Variants in ENPP1 observed in about 807,000 individuals in gnomAD.
ENPP1 encodes ectonucleotide pyrophosphatase/phosphodiesterase 1, also known as ectonucleotide pyrophosphatase/phosphodiesterase family member 1.
In ENPP1, 73 loss-of-function variants were observed where a neutral mutation model predicts 122.8. That is an observed-to-expected ratio of 0.59 (90% CI 0.49 to 0.72). The LOEUF (loss-of-function observed/expected upper bound fraction) is 0.72, where lower values mean the gene tolerates loss of function less well. ENPP1 is among the 30% of genes least tolerant of loss of function. The pLI is 0.00. For synonymous variants in ENPP1, 367 were observed against 391.6 expected, an observed-to-expected ratio of 0.94 and a Z score of 0.74; for missense variants, 978 against 1,128.1, an observed-to-expected ratio of 0.87 and a Z score of 1.91.
rs1160365435 is a variant in ENPP1 at position 131,892,545 on chromosome 6, C to G, written c.*2034C>G. 1.3e-5 allele frequency: 2 copies of G among 152,236 alleles called. No individual in the cohort carries two copies. Among genetic ancestry groups the G allele is most frequent in the Non-Finnish European group, 2.9e-5 (2 of 68,066 alleles). 9.4% of individuals were successfully genotyped at this position (152,236 alleles called of 1,614,324 possible). A position where few individuals can be genotyped will look rare whatever the true frequency, so the allele number is the denominator to read the frequency against. ...AGTGACCAGGAAGAGCTTCATTACA[C>G]CAGGTGGGAATGAAATTCCCAGTAG... On this transcript the variant is annotated 3_prime_UTR_variant, in exon 25 of 25. Coordinates refer to ENST00000647893, the MANE Select transcript of ENPP1 (RefSeq NM_006208.3).
rs373514648 is a variant in ENPP1, at chr6:131,880,566, C to CA, written c.2100+544dup. On this transcript the variant is annotated intron_variant, in intron 20 of 24. Transcript: ENST00000647893. Reference sequence around the variant, plus strand: ...TGGGTGACAGAGTGAGACTCCATCTCAAAAAAAAAAAAGAAAGAAAGAAAG... The same window carrying CA: ...TGGGTGACAGAGTGAGACTCCATCTCAAAAAAAAAAAAAGAAAGAAAGAAAG... Among the ~76,000 whole-genome samples the CA allele has an allele frequency of 8.8e-3, 1,152 of 130,922 alleles. 26 individuals are homozygous for CA. Among genetic ancestry groups the CA allele is most frequent in the African/African-American group, 0.029 (1,034 of 35,404 alleles). The allele number at this position is 130,922 out of a possible 152,430, so 85.9% of individuals were successfully genotyped here.
intron 15 of ENPP1, 114 bp downstream of exon 15, chr6:131,873,164 C>T: frequency 8.3e-7 from 1 of 1,208,124 alleles, no homozygotes; most frequent in Non-Finnish European, 1.2e-6. Context: ...GTATGATTCT[C>T]TTCACTCTAA....
intron 12 of ENPP1, among the ~76,000 whole-genome samples, chr6:131,868,376 A>C (rs1195035469): frequency 6.6e-6 from 1 of 152,238 alleles, no homozygotes; most frequent in East Asian, 1.9e-4. Flanking sequence ...TATTTTCAAC[A>C]TTAAATTTGT....
chr6:131,876,739 G>A (rs1782234487), intron 17 of ENPP1, among the ~76,000 whole-genome samples: 1 of 152,132 alleles, frequency 6.6e-6, no homozygotes, highest in African/African-American at 2.4e-5. Flanking sequence ...CATTCAACAG[G>A]TTGTGACTGT....
intron 17 of ENPP1, 135 bp downstream of exon 17, chr6:131,875,998 T>A (rs929735100): frequency 6.4e-5 from 46 of 718,454 alleles, no homozygotes; most frequent in Non-Finnish European, 1.1e-4. Flanking sequence ...TTCCTGACTC[T>A]CAGACTCACT....
intron 1 of ENPP1, among the ~76,000 whole-genome samples, chr6:131,822,349 C>G (rs1167854194): frequency 3.3e-5 from 5 of 152,122 alleles, no homozygotes; most frequent in African/African-American, 1.2e-4. Flanking sequence ...TGAACAATTA[C>G]TTTCTTTCTT....
intron 1 of ENPP1, chr6:131,819,702 A>T (rs114695219): frequency 0.01 from 2,455 of 242,360 alleles, 68 homozygotes; most frequent in African/African-American, 0.054. Flanking sequence ...TTAGACACAC[A>T]CATTTGTCTA....
intron 4 of ENPP1, 170 bp downstream of exon 4, chr6:131,851,437 G>A: frequency 1.4e-6 from 1 of 711,984 alleles, no homozygotes. Context: ...CATACACATG[G>A]GGAGAGAGAG....
chr6:131,866,233 A>G (rs139737071), intron 11 of ENPP1, among the ~76,000 whole-genome samples: 55 of 152,198 alleles, frequency 3.6e-4, no homozygotes, highest in African/African-American at 1.1e-3. Flanking sequence ...GTCATAGACT[A>G]TTAAAAAAAA....
intron 21 of ENPP1, 91 bp downstream of exon 21, chr6:131,882,565 A>G (rs907969146): frequency 1.5e-5 from 7 of 454,746 alleles, no homozygotes; most frequent in African/African-American, 4.3e-5. Flanking sequence ...GGTAATATAT[A>G]TATTACCTAT....
chr6:131,832,132 T>C (rs757498869), intron 1 of ENPP1, among the ~76,000 whole-genome samples: 3 of 152,190 alleles, frequency 2.0e-5, no homozygotes, highest in Non-Finnish European at 2.9e-5. Context: ...CCTTACTTTC[T>C]GGCCCTACAG....
intron 14 of ENPP1, 135 bp downstream of exon 14, chr6:131,872,236 G>A (rs1782171502): frequency 1.5e-6 from 1 of 679,398 alleles, no homozygotes; most frequent in Admixed American, 2.2e-5. Flanking sequence ...TGGAAATGCT[G>A]TGTAGTTTAA....
At chr6:131,860,619 G>T in intron 8 of ENPP1, 113 bp downstream of exon 8, 1 of 786,164 alleles carries the variant, frequency 1.3e-6, no homozygotes. Context: ...TAGTGTGTCT[G>T]TGGCCATTCT....
At chr6:131,850,244 A>C (rs1348435898) in intron 3 of ENPP1, 138 bp downstream of exon 3, 2 of 697,146 alleles carry the variant, frequency 2.9e-6, no homozygotes, top group Non-Finnish European at 5.2e-6. Context: ...TTTTGACATT[A>C]GCTTTTATAT....
At chr6:131,889,088 A>G (rs923473499) in intron 24 of ENPP1, among the ~76,000 whole-genome samples, 16 of 152,228 alleles carry the variant, frequency 1.1e-4, no homozygotes, top group Admixed American at 8.5e-4. Context: ...TGTGTAGTAC[A>G]TTTGCACACA....
At chr6:131,854,461 A>G (rs1291088441) in intron 5 of ENPP1, among the ~76,000 whole-genome samples, 2 of 152,088 alleles carry the variant, frequency 1.3e-5, no homozygotes, top group African/African-American at 2.4e-5. Flanking sequence ...TGTGTAATGT[A>G]TATACTATAT....
chr6:131,883,216 A>G lies in ENPP1; in HGVS notation c.2231-478A>G, dbSNP rs1782334665. ...ATGTGTCTGAAGTCAGAACTTGGCTATTGCATTATAAAAATAGACCAGGTC... is the reference window on the plus strand; with the variant it reads ...ATGTGTCTGAAGTCAGAACTTGGCTGTTGCATTATAAAAATAGACCAGGTC... On this transcript the variant is annotated intron_variant, in intron 21 of 24. Transcript: ENST00000647893. Among the ~76,000 whole-genome samples the G allele has an allele frequency of 1.3e-5, 2 of 152,184 alleles. 1 individual carries two copies. Among genetic ancestry groups the G allele is most frequent in the South Asian group, 4.1e-4 (2 of 4,830 alleles).
At chr6:131,831,133 A>AAG (rs1554276927) in intron 1 of ENPP1, among the ~76,000 whole-genome samples, 2 of 148,608 alleles carry the variant, frequency 1.3e-5, no homozygotes, top group African/African-American at 4.9e-5. Flanking sequence ...AAAAAAAAAA[A>AAG]AAAAGAAAAG....
chr6:131,817,728 T>C (rs1326579284), intron 1 of ENPP1, among the ~76,000 whole-genome samples: 1 of 142,348 alleles, frequency 7.0e-6, no homozygotes, highest in African/African-American at 2.7e-5. Context: ...AATCTCTCTC[T>C]GTCTCTCTTT....
Sources: allele counts gnomAD v4.1 joint callset (sites outside exome capture counted in the v4.1 genomes callset), GRCh38; gene constraint gnomAD v4.1.1; transcripts MANE v1.5; gene names NCBI Gene and HGNC (gene_info 2026-07-23, HGNC 2026-07-21).